Variants in USH2A observed in about 807,000 individuals in gnomAD.
The protein encoded by USH2A is Usher syndrome 2A (autosomal recessive, mild).
Under a neutral mutation model 538.9 loss-of-function variants are expected in USH2A, and 443 were observed. That is an observed-to-expected ratio of 0.82 (90% CI 0.76 to 0.89). USH2A has a LOEUF of 0.89. USH2A is among the 40% of genes least tolerant of loss of function. The probability of loss-of-function intolerance (pLI) is 0.00; values close to 1 mark genes in which losing one functional copy is unlikely to be tolerated. For synonymous variants in USH2A, 2,413 were observed against 2,273.5 expected (o/e 1.06, Z -1.75); for missense variants, 6,633 against 6,324.8 (o/e 1.05, Z -1.65).
chr1:215,720,175 TAA>T (rs58977431), intron 61 of USH2A, among the ~76,000 whole-genome samples: 10 of 151,854 alleles, frequency 6.6e-5, no homozygotes, highest in African/African-American at 2.4e-4. Flanking sequence ...TCCAAGTTCA[TAA>T]AAAAAATTAA....
At chr1:216,065,892 G>A (rs185718034) in intron 30 of USH2A, among the ~76,000 whole-genome samples, 9 of 151,410 alleles carry the variant, frequency 5.9e-5, no homozygotes, top group Admixed American at 3.9e-4. Context: ...GTGAGACCCT[G>A]TCTCAAAAAA....
intron 21 of USH2A, among the ~76,000 whole-genome samples, chr1:216,098,528 A>G (rs2032500003): frequency 6.6e-6 from 1 of 152,192 alleles, no homozygotes; most frequent in Non-Finnish European, 1.5e-5. Flanking sequence ...CTCAGTTTCA[A>G]TAGACAGCAA....
chr1:216,340,232 G>C (rs73100623), intron 4 of USH2A, among the ~76,000 whole-genome samples: 41,767 of 151,828 alleles, frequency 0.28, 6,034 homozygotes, highest in Middle Eastern at 0.38. Context: ...AAATAAACTA[G>C]AAAATCTAGA....
intron 47 of USH2A, among the ~76,000 whole-genome samples, chr1:215,825,848 T>G (rs1663137093): frequency 6.6e-6 from 1 of 152,212 alleles, no homozygotes; most frequent in South Asian, 2.1e-4. Flanking sequence ...ACTGAGATGT[T>G]TATTATAAAT....
intron 3 of USH2A, among the ~76,000 whole-genome samples, chr1:216,398,556 A>T (rs2039255222): frequency 2.6e-5 from 1 of 38,520 alleles, no homozygotes; most frequent in African/African-American, 1.4e-4. Flanking sequence ...GCACACCCAT[A>T]CACACACACA....
chr1:215,810,699 T>C (rs1037849579), intron 49 of USH2A, among the ~76,000 whole-genome samples: 3 of 152,196 alleles, frequency 2.0e-5, no homozygotes, highest in Admixed American at 6.5e-5. Flanking sequence ...GAATCATACA[T>C]GAAAACTCCC....
chr1:216,263,314 A>G (rs2036411202), intron 11 of USH2A, among the ~76,000 whole-genome samples: 1 of 152,174 alleles, frequency 6.6e-6, no homozygotes, highest in African/African-American at 2.4e-5. Context: ...CCAAATATGC[A>G]ACAGCAAAAA....
chr1:215,750,852 TAA>T (rs1403112543), intron 58 of USH2A, among the ~76,000 whole-genome samples: 2 of 152,264 alleles, frequency 1.3e-5, no homozygotes, highest in East Asian at 3.9e-4. Flanking sequence ...CATACTATAT[TAA>T]GTTATTATGA....
At chr1:216,203,938 T>C (rs1004159414) in intron 16 of USH2A, 1 of 158,730 alleles carries the variant, frequency 6.3e-6, no homozygotes, top group Non-Finnish European at 1.5e-5. Context: ...ACAACTCATC[T>C]GACTGTGAAT....
chr1:215,888,394 C>A, intron 41 of USH2A, 32 bp downstream of exon 41: 2 of 1,611,146 alleles, frequency 1.2e-6, no homozygotes, highest in South Asian at 2.2e-5. Context: ...ATTCCTAAGT[C>A]TGCAAAGGAG....
intron 9 of USH2A, among the ~76,000 whole-genome samples, chr1:216,308,368 C>T (rs1297736865): frequency 6.6e-6 from 1 of 152,012 alleles, no homozygotes. Flanking sequence ...CAGATTTTGC[C>T]ATCTTTGACA....
intron 38 of USH2A, among the ~76,000 whole-genome samples, chr1:215,905,699 T>A (rs987621825): frequency 2.0e-5 from 3 of 152,020 alleles, no homozygotes; most frequent in Non-Finnish European, 4.4e-5. Context: ...AGGTTAATGA[T>A]GTTCTCAGCC....
chr1:215,691,110 C>T (rs1438450475), intron 61 of USH2A, among the ~76,000 whole-genome samples: 1 of 152,140 alleles, frequency 6.6e-6, no homozygotes, highest in Non-Finnish European at 1.5e-5. Flanking sequence ...TCTCGAACTC[C>T]TGACCTTGTG....
chr1:215,689,005 A>C (rs1313616658), intron 61 of USH2A, among the ~76,000 whole-genome samples: 2 of 151,022 alleles, frequency 1.3e-5, no homozygotes, highest in Non-Finnish European at 3.0e-5. Flanking sequence ...ATGTAGAACC[A>C]ATAGAATTAT....
intron 4 of USH2A, among the ~76,000 whole-genome samples, chr1:216,342,429 T>G (rs1248022949): frequency 6.6e-6 from 1 of 152,112 alleles, no homozygotes; most frequent in Non-Finnish European, 1.5e-5. Context: ...AACAGTGTGG[T>G]GATTCCCCAA....
chr1:215,877,856 G>A lies in USH2A; in HGVS notation c.8583C>T (p.Ile2861=), dbSNP rs754711382. ...GGGGATTTGATGCAAGTGGCTGCTGGATTTTACGTCTCAGAAGCTCATATC... is the reference window on the plus strand; with the variant it reads ...GGGGATTTGATGCAAGTGGCTGCTGAATTTTACGTCTCAGAAGCTCATATC... ...NLRYELLRRK[I]QQPLASNPPE... is the part of the protein sequence containing the mutation. Residue 2861 remains isoleucine (I), a synonymous_variant, in exon 43 of 72, where the codon ATC becomes ATT. Coordinates refer to ENST00000307340, the MANE Select transcript of USH2A (RefSeq NM_206933.4). The A allele has an allele frequency of 1.9e-6, 3 of 1,613,630 alleles. No homozygotes were observed. Among genetic ancestry groups the A allele is most frequent in the Non-Finnish European group, 2.5e-6 (3 of 1,179,734 alleles).
At chr1:215,965,192 T>A in intron 37 of USH2A, 125 bp downstream of exon 37, 2 of 1,136,598 alleles carry the variant, frequency 1.8e-6, no homozygotes, top group Non-Finnish European at 2.5e-6. Context: ...TATAGGTTAT[T>A]TTCAGGAAAA....
Position 215,674,198 on chromosome 1 carries a change from T to C in USH2A, c.13713A>G (p.Glu4571=), listed in dbSNP as rs777767986. ...DIINYTLFIR[E]LFERETKIIH... is the part of the protein sequence containing the mutation. ...TGATTTTAGTTTCTCTTTCAAATAG[T>C]TCACGGATGAAGAGGGTATAATTGA... The change falls in exon 63 of 72, where the codon GAA becomes GAG. Residue 4571 remains glutamate (E), a synonymous_variant. Transcript: ENST00000307340. 4 of 1,614,150 alleles carry C rather than the reference T, an allele frequency of 2.5e-6. No individual in the cohort carries two copies. In the South Asian group the frequency reaches 4.4e-5, roughly 18 times the overall value.
chr1:215,742,001 T>C (rs187405095), intron 59 of USH2A, among the ~76,000 whole-genome samples: 269 of 152,306 alleles, frequency 1.8e-3, no homozygotes, highest in Non-Finnish European at 3.2e-3. Flanking sequence ...ATATTGTACC[T>C]CCATTGCACA....
Sources: allele counts gnomAD v4.1 joint callset (sites outside exome capture counted in the v4.1 genomes callset), GRCh38; gene constraint gnomAD v4.1.1; transcripts MANE v1.5; gene names NCBI Gene and HGNC (gene_info 2026-07-23, HGNC 2026-07-21).